The following PTPRD variants were observed in gnomAD, a reference collection of about 807,000 sequenced individuals.
The protein encoded by PTPRD is protein tyrosine phosphatase receptor type D.
In PTPRD, 34 loss-of-function variants were observed where a neutral mutation model predicts 214.5. That is an observed-to-expected ratio of 0.16 (90% CI 0.12 to 0.21). The LOEUF (loss-of-function observed/expected upper bound fraction) is 0.21. Among genes scored for constraint, PTPRD ranks in the 10% least tolerant of loss-of-function variants. The pLI is 1.00. For synonymous variants in PTPRD, 1,128 were observed against 845.7 expected, an observed-to-expected ratio of 1.33 and a Z score of -5.79; for missense variants, 2,545 against 2,398.7, an observed-to-expected ratio of 1.06 and a Z score of -1.27.
intron 7 of PTPRD, among the ~76,000 whole-genome samples, chr9:9,669,362 C>G (rs964776774): frequency 2.0e-5 from 3 of 152,026 alleles, no homozygotes; most frequent in African/African-American, 7.2e-5. Flanking sequence ...AGTTCTGGAC[C>G]AAACGTAGGT....
At chr9:10,451,407 G>A (rs1042538299) in intron 2 of PTPRD, among the ~76,000 whole-genome samples, 1 of 151,714 alleles carries the variant, frequency 6.6e-6, no homozygotes, top group African/African-American at 2.4e-5. Context: ...CATGGCAATT[G>A]TGGCTTTTTC....
intron 3 of PTPRD, among the ~76,000 whole-genome samples, chr9:10,248,517 AAAAAAAAAAT>A (rs2092431207): frequency 3.0e-5 from 1 of 33,724 alleles, no homozygotes; most frequent in Non-Finnish European, 1.2e-4. Context: ...ATAGCAAAAA[AAAAAAAAAAT>A]AAAAAAAATA....
chr9:9,170,035 T>C (rs989904197), intron 10 of PTPRD, among the ~76,000 whole-genome samples: 2 of 152,302 alleles, frequency 1.3e-5, no homozygotes, highest in East Asian at 1.9e-4. Flanking sequence ...ATTTATTTTA[T>C]TGTAGGATTA....
intron 5 of PTPRD, among the ~76,000 whole-genome samples, chr9:9,922,672 CA>C (rs1325008130): frequency 4.6e-5 from 7 of 151,710 alleles, no homozygotes; most frequent in African/African-American, 1.5e-4. Flanking sequence ...TAAAAAATAA[CA>C]AAAAAGTTAT....
intron 30 of PTPRD, 36 bp downstream of exon 30, chr9:8,484,083 T>G: frequency 6.3e-7 from 1 of 1,592,724 alleles, no homozygotes; most frequent in Admixed American, 1.7e-5. Context: ...TTACCTATAA[T>G]TCTTTCCTTC....
intron 7 of PTPRD, among the ~76,000 whole-genome samples, chr9:9,716,853 A>C (rs372441587): frequency 6.6e-6 from 1 of 151,698 alleles, no homozygotes; most frequent in South Asian, 2.1e-4. Context: ...TCTTTAGTTT[A>C]ATGAGATCCC....
intron 8 of PTPRD, among the ~76,000 whole-genome samples, chr9:9,431,186 A>G (rs550978067): frequency 6.6e-6 from 1 of 152,112 alleles, no homozygotes; most frequent in African/African-American, 2.4e-5. Context: ...GAATCTACAA[A>G]GAACTTAAAC....
chr9:10,426,602 T>C (rs963344244), intron 2 of PTPRD, among the ~76,000 whole-genome samples: 3 of 152,058 alleles, frequency 2.0e-5, no homozygotes, highest in African/African-American at 7.2e-5. Context: ...GATAGCAGTA[T>C]AACTTCACAC....
intron 12 of PTPRD, among the ~76,000 whole-genome samples, chr9:8,712,830 TGTCTCAGCCTCCCGA>T (rs893454540): frequency 1.3e-5 from 2 of 152,148 alleles, no homozygotes; most frequent in Admixed American, 1.3e-4. Flanking sequence ...GTGATTCTCC[TGTCTCAGCCTCCCGA>T]GTAGCTGGGG....
intron 11 of PTPRD, among the ~76,000 whole-genome samples, chr9:8,983,164 T>C (rs1356760297): frequency 6.6e-6 from 1 of 152,082 alleles, no homozygotes; most frequent in Admixed American, 6.6e-5. Flanking sequence ...CTAGTAATAT[T>C]GTGATTAGCA....
At chr9:9,009,498 G>GT (rs1332391511) in intron 11 of PTPRD, among the ~76,000 whole-genome samples, 1 of 151,938 alleles carries the variant, frequency 6.6e-6, no homozygotes, top group Non-Finnish European at 1.5e-5. Context: ...TGCCATAGGG[G>GT]TTTTCAGCAG....
intron 11 of PTPRD, among the ~76,000 whole-genome samples, chr9:8,940,784 G>T (rs1381937857): frequency 6.6e-6 from 1 of 151,426 alleles, no homozygotes; most frequent in Non-Finnish European, 1.5e-5. Flanking sequence ...TGTTCCTTGG[G>T]TAGATCCTAT....
intron 10 of PTPRD, among the ~76,000 whole-genome samples, chr9:9,117,326 C>T (rs1355024063): frequency 6.6e-6 from 1 of 151,246 alleles, no homozygotes; most frequent in African/African-American, 2.4e-5. Flanking sequence ...CTCCATTGTG[C>T]CTTAATACTT....
intron 3 of PTPRD, among the ~76,000 whole-genome samples, chr9:10,141,093 C>T (rs975382269): frequency 3.3e-5 from 5 of 152,012 alleles, no homozygotes; most frequent in Admixed American, 1.3e-4. Flanking sequence ...ATTGATGGGA[C>T]GTATCTCAAA....
intron 12 of PTPRD, among the ~76,000 whole-genome samples, chr9:8,639,754 G>C (rs113506391): frequency 1.4e-4 from 21 of 152,266 alleles, no homozygotes; most frequent in African/African-American, 5.1e-4. Flanking sequence ...AAATTAGAAA[G>C]CTCATCTGGA....
chr9:10,202,303 C>T (rs956768584), intron 3 of PTPRD, among the ~76,000 whole-genome samples: 1 of 151,642 alleles, frequency 6.6e-6, no homozygotes, highest in African/African-American at 2.4e-5. Flanking sequence ...AAGCAGGAGC[C>T]CCCCCACAAC....
At chr9:8,604,208 G>A (rs993756740) in intron 14 of PTPRD, among the ~76,000 whole-genome samples, 1 of 152,196 alleles carries the variant, frequency 6.6e-6, no homozygotes, top group African/African-American at 2.4e-5. Flanking sequence ...ACCCATGCAT[G>A]AAGTAAAACA....
At chr9:10,082,765 G>A (rs1158101410) in intron 3 of PTPRD, among the ~76,000 whole-genome samples, 8 of 148,764 alleles carry the variant, frequency 5.4e-5, no homozygotes, top group Non-Finnish European at 1.5e-5. Flanking sequence ...ATTAAAGAAG[G>A]GAATCTGTAC....
chr9:10,027,533 T>G (rs941555241), intron 4 of PTPRD, among the ~76,000 whole-genome samples: 1 of 152,184 alleles, frequency 6.6e-6, no homozygotes. Context: ...TCATGTGTAT[T>G]ATAAAATATA....
Sources: allele counts gnomAD v4.1 joint callset (sites outside exome capture counted in the v4.1 genomes callset), GRCh38; gene constraint gnomAD v4.1.1; transcripts MANE v1.5; gene names NCBI Gene and HGNC (gene_info 2026-07-23, HGNC 2026-07-21).